C21orf58: variants seen among roughly 807,000 people sequenced by gnomAD.
C21orf58 encodes the protein uncharacterized protein C21orf58.
Under a neutral mutation model 35.8 loss-of-function variants are expected in C21orf58, and 34 were observed. That is an observed-to-expected ratio of 0.95 (90% confidence interval 0.72 to 1.26). C21orf58 has a LOEUF of 1.26. Among genes scored for constraint, C21orf58 ranks in the 50% most tolerant of loss-of-function variants. The pLI, the probability that C21orf58 is intolerant of heterozygous loss-of-function variation, is 0.00. For synonymous variants in C21orf58, 191 were observed against 175.8 expected, an observed-to-expected ratio of 1.09 and a Z score of -0.68; for missense variants, 440 against 414.3, an observed-to-expected ratio of 1.06 and a Z score of -0.54.
rs1374262243 is a variant in C21orf58, at chr21:46,302,067, C to A, written c.901G>T (p.Val301Leu). The A allele has an allele frequency of 6.6e-7, 1 of 1,524,154 alleles. No homozygotes were observed. The highest frequency in any genetic ancestry group is 2.1e-5 in the Admixed American group (1 of 47,564). The allele number at this position is 1,524,154 out of a possible 1,614,324, so 94.4% of individuals were successfully genotyped here. ...ACAGTGGCAGCCCCAGGTGGCCACA[C>A]AGCATGGTGGTGGTGGTGGTGGTGG... ...VHHHHHHHHA[V>L]WPPGAATVLQ... Residue 301 changes from valine (V) to leucine (L), a missense_variant, in exon 8 of 8, where the codon GTG becomes TTG. By Grantham distance (32) the Val-to-Leu change is conservative. Transcript: ENST00000291691.
At chr21:46,310,684 C>T (rs1200952971) in intron 6 of C21orf58, among the ~76,000 whole-genome samples, 2 of 151,272 alleles carry the variant, frequency 1.3e-5, no homozygotes, top group Admixed American at 1.3e-4. Flanking sequence ...TGGTGCAGGC[C>T]TACAGTTCCA....
chr21:46,305,898 C>T (rs141968090), intron 6 of C21orf58, among the ~76,000 whole-genome samples: 14 of 151,624 alleles, frequency 9.2e-5, no homozygotes, highest in East Asian at 3.9e-4. Context: ...GCTGAGATTG[C>T]GCCACTGCAC....
chr21:46,317,931 T>G, intron 2 of C21orf58, 81 bp downstream of exon 2: 7 of 1,494,616 alleles, frequency 4.7e-6, no homozygotes, highest in Non-Finnish European at 6.4e-6. Flanking sequence ...ATTCTGCACC[T>G]GCAGGGCTGT....
rs150924884 is a variant in C21orf58 at position 46,318,198 on chromosome 21, G to C, written c.123C>G (p.Ala41=). 1.1e-3 allele frequency: 1,719 copies of C among 1,612,662 alleles called. 1 individual carries two copies. The highest frequency in any genetic ancestry group is 1.4e-3 in the Non-Finnish European group (1,606 of 1,180,010). The part of the protein sequence containing the change: ...LLCGWSPGGK[A]RPAGNTGAWA... Reference sequence around the variant, plus strand: ...AAGCACCGGTGTTGCCTGCAGGGCGGGCCTTACCTCCTGGAGACCAGCCTG... The same window carrying C: ...AAGCACCGGTGTTGCCTGCAGGGCGCGCCTTACCTCCTGGAGACCAGCCTG... The change falls in exon 2 of 8, where the codon GCC becomes GCG. Residue 41 remains alanine (A), a synonymous_variant. Transcript: ENST00000291691.
chr21:46,311,375 G>T, intron 6 of C21orf58, 81 bp downstream of exon 6: 1 of 726,580 alleles, frequency 1.4e-6, no homozygotes, highest in Non-Finnish European at 2.2e-6. Context: ...GGCCCTAAGT[G>T]ACTGTCCTGC....
At chr21:46,314,680 C>G in intron 5 of C21orf58, 36 bp downstream of exon 5, 1 of 1,380,660 alleles carries the variant, frequency 7.2e-7, no homozygotes, top group South Asian at 1.5e-5. Context: ...ACCCGCCTCC[C>G]ACTCTCAGAT....
At chr21:46,310,041 A>G (rs1273351567) in intron 6 of C21orf58, among the ~76,000 whole-genome samples, 1 of 152,116 alleles carries the variant, frequency 6.6e-6, no homozygotes, top group African/African-American at 2.4e-5. Context: ...AATTCAAACT[A>G]CTACATAGTG....
chr21:46,320,817 C>T (rs1275098689), intron 1 of C21orf58: 2 of 152,124 alleles, frequency 1.3e-5, no homozygotes, highest in African/African-American at 2.4e-5. Context: ...TTTTTTTCCT[C>T]TCCTCTTTCT....
intron 6 of C21orf58, among the ~76,000 whole-genome samples, chr21:46,307,116 G>A (rs757292565): frequency 6.6e-6 from 1 of 151,282 alleles, no homozygotes; most frequent in Non-Finnish European, 1.5e-5. Context: ...GGCTGGTCTC[G>A]AACTCCTGAC....
intron 1 of C21orf58, 51 bp downstream of exon 1, chr21:46,322,588 C>T: frequency 7.0e-7 from 1 of 1,427,056 alleles, no homozygotes; most frequent in Non-Finnish European, 9.3e-7. Flanking sequence ...TTTGCTCAAA[C>T]CACCCAATTC....
intron 5 of C21orf58, among the ~76,000 whole-genome samples, chr21:46,313,708 A>T (rs1008999753): frequency 6.6e-6 from 1 of 152,150 alleles, no homozygotes; most frequent in Non-Finnish European, 1.5e-5. Context: ...GAACCTGGTG[A>T]AGGCCACCCA....
At chr21:46,317,441 C>T (rs1264890525) in intron 2 of C21orf58, 173 bp from the exon 3 acceptor site, 2 of 1,087,118 alleles carry the variant, frequency 1.8e-6, no homozygotes, top group Admixed American at 2.3e-5. Flanking sequence ...CCTGAGCTGC[C>T]TCTGTAAGCC....
intron 3 of C21orf58, among the ~76,000 whole-genome samples, chr21:46,316,574 C>T (rs1280574527): frequency 2.0e-5 from 3 of 152,200 alleles, no homozygotes; most frequent in Non-Finnish European, 4.4e-5. Flanking sequence ...CTGCCCCTCA[C>T]CCAGCATCAC....
chr21:46,311,340 T>G, intron 6 of C21orf58, 116 bp downstream of exon 6: 1 of 474,552 alleles, frequency 2.1e-6, no homozygotes, highest in Non-Finnish European at 3.8e-6. Flanking sequence ...GTTAAAATTA[T>G]TTTCATGTTG....
At chr21:46,307,053 A>G (rs2082451792) in intron 6 of C21orf58, among the ~76,000 whole-genome samples, 2 of 149,586 alleles carry the variant, frequency 1.3e-5, no homozygotes, top group African/African-American at 5.0e-5. Context: ...CCACCACCAC[A>G]CCTGGCTGAT....
intron 4 of C21orf58, 88 bp from the exon 5 acceptor site, chr21:46,314,968 T>C: frequency 6.5e-7 from 1 of 1,550,298 alleles, no homozygotes; most frequent in Non-Finnish European, 8.7e-7. Flanking sequence ...CAGGCCAGCC[T>C]GGGCCAGGTA....
chr21:46,316,774 GC>G (rs1236914670), intron 3 of C21orf58, among the ~76,000 whole-genome samples: 1 of 152,220 alleles, frequency 6.6e-6, no homozygotes, highest in Non-Finnish European at 1.5e-5. Flanking sequence ...CTCACAGCTT[GC>G]CCCACGTTCC....
Position 46,301,874 on chromosome 21 carries a change from C to T in C21orf58, c.*125G>A, listed in dbSNP as rs1440492833. On this transcript the variant is annotated 3_prime_UTR_variant, in exon 8 of 8. Transcript: ENST00000291691. ...CCAGGAGGAGCCTGCAGTCCACACTCGCGTAGCCACTCCGGGTGGTGGCAG... is the reference window on the plus strand; with the variant it reads ...CCAGGAGGAGCCTGCAGTCCACACTTGCGTAGCCACTCCGGGTGGTGGCAG... 32 of 1,328,452 alleles carry T rather than the reference C, an allele frequency of 2.4e-5. No homozygotes were observed. Among genetic ancestry groups the T allele is most frequent in the Admixed American group, 1.5e-4 (4 of 27,196 alleles). The allele number at this position is 1,328,452 out of a possible 1,614,324, so 82.3% of individuals were successfully genotyped here.
At chr21:46,305,893 G>A (rs1321430580) in intron 6 of C21orf58, among the ~76,000 whole-genome samples, 3 of 151,954 alleles carry the variant, frequency 2.0e-5, no homozygotes, top group Non-Finnish European at 4.4e-5. Context: ...AGTGAGCTGA[G>A]ATTGCGCCAC....
Sources: allele counts gnomAD v4.1 joint callset (sites outside exome capture counted in the v4.1 genomes callset), GRCh38; gene constraint gnomAD v4.1.1; transcripts MANE v1.5; gene names NCBI Gene and HGNC (gene_info 2026-07-23, HGNC 2026-07-21).